The following SNX6 variants were observed in gnomAD, a reference collection of about 807,000 sequenced individuals.
The protein encoded by SNX6 is sorting nexin 6, also known as sorting nexin-6.
Under a neutral mutation model 63.0 loss-of-function variants are expected in SNX6, and 34 were observed. The ratio of observed to expected loss-of-function variants is 0.54; its 90% CI spans 0.41 to 0.72. SNX6 has a LOEUF of 0.72. SNX6 is among the 30% of genes least tolerant of loss of function. The pLI is 0.00. For missense variants in SNX6, 398 were observed against 471.4 expected (o/e 0.84, Z 1.44); for synonymous variants, 170 against 164.2 (o/e 1.04, Z -0.27).
rs1882151719 is a variant in SNX6 at position 34,586,237 on chromosome 14, T to C, written c.787A>G (p.Ile263Val). 1 of 1,594,820 alleles carries C rather than the reference T, an allele frequency of 6.3e-7. No homozygotes were observed. The highest frequency in any genetic ancestry group is 8.6e-7 in the Non-Finnish European group (1 of 1,163,746). ...TTAAATTAGAACACTTACTTGCATA[T>C]ATCTGTAGAATCCTGAGTTCCTAAA... ...YALGTQDSTD[I>V]CKFFLKVSEL... is the part of the protein sequence containing the mutation. The change falls in exon 9 of 14, where the codon ATA (isoleucine) becomes GTA (valine). Residue 263 changes from isoleucine to valine, a missense_variant. Physicochemically the swap from Ile to Val is conservative, Grantham distance 29. Coordinates refer to ENST00000362031, the MANE Select transcript of SNX6 (RefSeq NM_152233.4).
In SNX6 at chr14:34,569,286, G is replaced by A. The variant is rs192709059; in HGVS notation, c.922-1273C>T. ...CACAGAACTGAGGATCACCATAATC[G>A]ATTTTAGAACACTTTCATCACCCAA... On this transcript the variant is annotated intron_variant, in intron 11 of 13. Coordinates refer to ENST00000362031, the MANE Select transcript of SNX6 (RefSeq NM_152233.4). Among the ~76,000 whole-genome samples the A allele has an allele frequency of 3.3e-5, 5 of 152,136 alleles. No homozygotes were observed. In the South Asian group the frequency reaches 6.2e-4, roughly 19 times the overall value.
At chr14:34,598,806 G>T (rs1055661849) in intron 6 of SNX6, among the ~76,000 whole-genome samples, 2 of 152,110 alleles carry the variant, frequency 1.3e-5, no homozygotes, top group Admixed American at 1.3e-4. Context: ...ATCATTTGAC[G>T]CCAGGAGTTT....
Position 34,630,100 on chromosome 14 carries a change from A to G in SNX6, c.6+11T>C. 1 of 1,446,820 alleles carries G rather than the reference A, an allele frequency of 6.9e-7. No homozygotes were observed. The highest frequency in any genetic ancestry group is 9.0e-7 in the Non-Finnish European group (1 of 1,110,634). The allele number at this position is 1,446,820 out of a possible 1,614,324, so 89.6% of individuals were successfully genotyped here. A position where few individuals can be genotyped will look rare whatever the true frequency, so the allele number is the denominator to read the frequency against. On this transcript the variant is annotated intron_variant, in intron 1 of 13. Coordinates refer to ENST00000362031, the MANE Select transcript of SNX6 (RefSeq NM_152233.4). ...GCGCTCCCGGGACTCGGCGCCGCGG[A>G]GAACACCCACCATCATGGCTGCTCC...
At chr14:34,567,410 C>A (rs936093129) in intron 13 of SNX6, among the ~76,000 whole-genome samples, 3 of 152,106 alleles carry the variant, frequency 2.0e-5, no homozygotes, top group Non-Finnish European at 4.4e-5. Context: ...TCGCTTGAAC[C>A]CGGGAAGCAG....
chr14:34,604,027 C>T, intron 5 of SNX6: 1 of 850,422 alleles, frequency 1.2e-6, no homozygotes, highest in Non-Finnish European at 1.5e-6. Context: ...ATCCCAGAGA[C>T]CACAAAGTAA....
At chr14:34,604,485 T>C (rs532875928) in intron 5 of SNX6, among the ~76,000 whole-genome samples, 1 of 152,152 alleles carries the variant, frequency 6.6e-6, no homozygotes, top group Admixed American at 6.6e-5. Flanking sequence ...AGTGTGAATA[T>C]ATAACTAAAA....
chr14:34,574,997 T>C (rs1881630801), intron 11 of SNX6, among the ~76,000 whole-genome samples: 1 of 151,696 alleles, frequency 6.6e-6, no homozygotes, highest in Non-Finnish European at 1.5e-5. Flanking sequence ...GTTCAAGCAA[T>C]TCTCCTGCCT....
intron 11 of SNX6, among the ~76,000 whole-genome samples, chr14:34,572,775 G>A (rs567328050): frequency 6.6e-6 from 1 of 151,974 alleles, no homozygotes; most frequent in Non-Finnish European, 1.5e-5. Context: ...CCGCCTCCTG[G>A]GTTCATGCCA....
At chr14:34,617,057 G>C (rs1397093189) in intron 2 of SNX6, among the ~76,000 whole-genome samples, 1 of 152,108 alleles carries the variant, frequency 6.6e-6, no homozygotes, top group Non-Finnish European at 1.5e-5. Flanking sequence ...ACTCCAGCCT[G>C]GTCAAGAGAG....
intron 2 of SNX6, among the ~76,000 whole-genome samples, chr14:34,618,076 G>T (rs752617163): frequency 1.8e-4 from 27 of 152,118 alleles, no homozygotes; most frequent in African/African-American, 6.3e-4. Flanking sequence ...ATGGGATGGG[G>T]CAAAGAGGAA....
At chr14:34,615,965 T>G (rs184798298) in intron 2 of SNX6, among the ~76,000 whole-genome samples, 75 of 152,302 alleles carry the variant, frequency 4.9e-4, no homozygotes, top group Non-Finnish European at 9.4e-4. Flanking sequence ...TTTTTTATTT[T>G]TATTTTTTTG....
intron 13 of SNX6, among the ~76,000 whole-genome samples, chr14:34,565,620 G>A (rs1484823264): frequency 2.0e-5 from 3 of 150,412 alleles, no homozygotes; most frequent in Non-Finnish European, 4.4e-5. Context: ...GGGTTCGAGC[G>A]ATCGTCTCGC....
intron 6 of SNX6, among the ~76,000 whole-genome samples, chr14:34,602,917 A>G (rs1882877089): frequency 1.3e-5 from 2 of 148,362 alleles, no homozygotes; most frequent in Non-Finnish European, 3.0e-5. Flanking sequence ...CGGAGCTTGC[A>G]GTGAGCTGAG....
chr14:34,587,449 C>T (rs1474158885), intron 8 of SNX6, among the ~76,000 whole-genome samples: 2 of 130,742 alleles, frequency 1.5e-5, no homozygotes, highest in Non-Finnish European at 3.1e-5. Flanking sequence ...AGGAGAATGG[C>T]GTGAACCCGG....
intron 6 of SNX6, among the ~76,000 whole-genome samples, chr14:34,600,153 G>T (rs978890585): frequency 6.6e-6 from 1 of 151,922 alleles, no homozygotes; most frequent in East Asian, 1.9e-4. Context: ...TCTCTTTTGA[G>T]ACAGAATATC....
chr14:34,577,826 T>C (rs935300260), intron 10 of SNX6, among the ~76,000 whole-genome samples: 1 of 152,130 alleles, frequency 6.6e-6, no homozygotes, highest in East Asian at 1.9e-4. Context: ...ATAATTCTTA[T>C]ACTAAAAAAA....
intron 2 of SNX6, 66 bp from the exon 3 acceptor site, chr14:34,609,808 GAC>G: frequency 8.8e-7 from 1 of 1,136,312 alleles, no homozygotes; most frequent in Non-Finnish European, 1.3e-6. Flanking sequence ...TTTCTCTTAA[GAC>G]AATGCAAAAA....
intron 8 of SNX6, among the ~76,000 whole-genome samples, 188 bp downstream of exon 8, chr14:34,592,857 G>A (rs932328954): frequency 2.0e-5 from 3 of 152,206 alleles, no homozygotes; most frequent in Admixed American, 6.6e-5. Flanking sequence ...GATCACAGGC[G>A]TGAGCCACTG....
intron 7 of SNX6, among the ~76,000 whole-genome samples, chr14:34,593,962 C>T (rs990602058): frequency 1.3e-5 from 2 of 152,052 alleles, no homozygotes; most frequent in Admixed American, 6.6e-5. Flanking sequence ...GTGATCCGCG[C>T]GCCTCGGCCT....
Sources: gnomAD v4.1 joint callset for allele counts (sites outside exome capture counted in the v4.1 genomes callset) on GRCh38, gnomAD v4.1.1 for gene constraint, MANE v1.5 for transcripts, NCBI Gene and HGNC (gene_info 2026-07-23, HGNC 2026-07-21) for gene names.